APOL3: variants seen among roughly 807,000 people sequenced by gnomAD.
The protein encoded by APOL3 is TNF-inducible protein CG12-1.
APOL3 carries 14 observed loss-of-function variants against 11.6 expected under a neutral mutation model. The observed-to-expected ratio is 1.21, with a 90% CI of 0.80 to 1.89. The LOEUF is 1.89. APOL3 is among the 40% of genes most tolerant of loss of function. The pLI is 0.00. For synonymous variants in APOL3, 192 were observed against 190.6 expected (o/e 1.01, Z -0.06); for missense variants, 483 against 492.1 (o/e 0.98, Z 0.17).
chr22:36,155,653 G>T, intron 1 of APOL3: 1 of 159,784 alleles, frequency 6.3e-6, no homozygotes. Context: ...TCAACATCAT[G>T]AGCCATAAGG....
chr22:36,148,251 A>C (rs544053043), intron 1 of APOL3, among the ~76,000 whole-genome samples: 1 of 152,358 alleles, frequency 6.6e-6, no homozygotes, highest in East Asian at 1.9e-4. Flanking sequence ...TGCCTGAGGC[A>C]GTCATCCCTG....
At chr22:36,159,640 A>G (rs1324171847) in intron 1 of APOL3, 2 of 152,112 alleles carry the variant, frequency 1.3e-5, no homozygotes, top group Non-Finnish European at 2.9e-5. Context: ...CTTTCCCACT[A>G]GGGAACAGCA....
intron 2 of APOL3, among the ~76,000 whole-genome samples, chr22:36,144,957 G>T (rs1396158201): frequency 1.4e-5 from 2 of 144,616 alleles, no homozygotes; most frequent in Admixed American, 7.1e-5. Context: ...GTTGCGGTGG[G>T]CCGAGATCAT....
intron 1 of APOL3, among the ~76,000 whole-genome samples, chr22:36,152,822 A>G (rs1206512348): frequency 6.6e-6 from 1 of 152,168 alleles, no homozygotes; most frequent in Non-Finnish European, 1.5e-5. Context: ...CCCTAAAGAA[A>G]AGCTGGCTAG....
chr22:36,145,092 G>A (rs980682017), intron 2 of APOL3, among the ~76,000 whole-genome samples: 5 of 151,004 alleles, frequency 3.3e-5, no homozygotes, highest in Admixed American at 1.3e-4. Context: ...CTTTTTAAAA[G>A]GTAACATTAA....
chr22:36,160,221 C>G (rs537511383), intron 1 of APOL3, among the ~76,000 whole-genome samples: 2 of 152,292 alleles, frequency 1.3e-5, no homozygotes, highest in East Asian at 3.9e-4. Context: ...CTGTCCCCAT[C>G]GGGCCTCAGC....
At chr22:36,145,025 AGAAAAAAAAAG>A (rs758112165) in intron 2 of APOL3, among the ~76,000 whole-genome samples, 1 of 83,624 alleles carries the variant, frequency 1.2e-5, no homozygotes, top group African/African-American at 6.2e-5. Context: ...AAAAAAAAAA[AGAAAAAAAAAG>A]AAAAAAAAAG....
intron 2 of APOL3, among the ~76,000 whole-genome samples, chr22:36,143,162 T>A (rs1425237599): frequency 6.6e-6 from 1 of 152,204 alleles, no homozygotes; most frequent in Admixed American, 6.5e-5. Context: ...GGCTTCCTGA[T>A]CTAATGTGAT....
chr22:36,149,055 T>C (rs1487792981), intron 1 of APOL3: 4 of 1,368,352 alleles, frequency 2.9e-6, no homozygotes, highest in South Asian at 2.3e-5. Flanking sequence ...CCTGAGTCCA[T>C]GGTGCCAGCA....
intron 1 of APOL3, among the ~76,000 whole-genome samples, chr22:36,145,919 C>T (rs1223204027): frequency 6.6e-6 from 1 of 151,256 alleles, no homozygotes; most frequent in Non-Finnish European, 1.5e-5. Context: ...CTCTCTCTCT[C>T]CTCACCCCAC....
At chr22:36,152,642 T>G (rs1017043133) in intron 1 of APOL3, among the ~76,000 whole-genome samples, 1 of 152,200 alleles carries the variant, frequency 6.6e-6, no homozygotes, top group Non-Finnish European at 1.5e-5. Flanking sequence ...TGTTATCATC[T>G]TAATAGTTCT....
At chr22:36,141,018 T>C (rs1158944568) in exon 3 of APOL3, 1 of 815,814 alleles carries the variant, frequency 1.2e-6, no homozygotes, top group Non-Finnish European at 1.9e-6. Context: ...TGCCTTCTCC[T>C]TGGTGCACTT....
intron 1 of APOL3, among the ~76,000 whole-genome samples, chr22:36,150,636 C>G (rs574283165): frequency 6.6e-6 from 1 of 152,204 alleles, no homozygotes; most frequent in South Asian, 2.1e-4. Context: ...TTTGGGAGAC[C>G]GAGGCAGGTG....
chr22:36,162,242 AC>A (rs898097100), upstream of APOL3, among the ~76,000 whole-genome samples: 1 of 151,652 alleles, frequency 6.6e-6, no homozygotes, highest in Admixed American at 6.6e-5. Flanking sequence ...CCATTCTAAG[AC>A]CCCCCTAACT....
chr22:36,142,036 C>G (rs573296139), exon 3 of APOL3: 2 of 1,612,918 alleles, frequency 1.2e-6, no homozygotes, highest in South Asian at 2.2e-5. Flanking sequence ...TTCAGAGCTT[C>G]GTAGAGAGCA....
intron 1 of APOL3, among the ~76,000 whole-genome samples, chr22:36,154,970 C>G (rs1188120492): frequency 6.6e-6 from 1 of 152,204 alleles, no homozygotes; most frequent in African/African-American, 2.4e-5. Context: ...AGCCAGAACC[C>G]AGATATTCTA....
At chr22:36,145,414 AGG>A in intron 2 of APOL3, 57 bp downstream of exon 3, 1 of 1,503,094 alleles carries the variant, frequency 6.7e-7, no homozygotes, top group African/African-American at 1.4e-5. Context: ...AAACTAGCCC[AGG>A]GGAGATCAGG....
chr22:36,153,225 T>C (rs941621833), intron 1 of APOL3: 5 of 329,410 alleles, frequency 1.5e-5, no homozygotes, highest in African/African-American at 8.6e-5. Context: ...CACTTATTAA[T>C]TGATTTTTTT....
chr22:36,154,592 A>G (rs2012429413), intron 1 of APOL3: 1 of 470,802 alleles, frequency 2.1e-6, no homozygotes, highest in Admixed American at 2.4e-5. Flanking sequence ...GACATTTGGA[A>G]GCTGGCGTGG....
Sources: allele counts gnomAD v4.1 joint callset (sites outside exome capture counted in the v4.1 genomes callset), GRCh38; gene constraint gnomAD v4.1.1; transcripts MANE v1.5; gene names NCBI Gene and HGNC (gene_info 2026-07-23, HGNC 2026-07-21).